Variants in TLK1 observed in about 807,000 individuals in gnomAD.
TLK1 encodes tousled like kinase 1.
A neutral mutation model predicts 105.3 loss-of-function variants in TLK1; 24 were observed. The ratio of observed to expected loss-of-function variants is 0.23; its 90% confidence interval spans 0.17 to 0.32. TLK1 has a LOEUF of 0.32. Ranked by LOEUF, TLK1 falls within the 10% of genes least tolerant of loss-of-function variation. TLK1 has a pLI of 1.00. For missense variants in TLK1, 558 were observed against 910.5 expected (o/e 0.61, Z 4.98); for synonymous variants, 321 against 310.4 (o/e 1.03, Z -0.36).
chr2:171,187,080 A>AAAAAAG (rs1558984577), intron 1 of TLK1, among the ~76,000 whole-genome samples: 1 of 127,996 alleles, frequency 7.8e-6, no homozygotes, highest in African/African-American at 3.5e-5. Context: ...AAAAAAAAAA[A>AAAAAAG]AAAGAAAAAG....
At chr2:171,135,503 TAAAAA>T (rs1043221695) in intron 1 of TLK1, among the ~76,000 whole-genome samples, 3 of 151,914 alleles carry the variant, frequency 2.0e-5, no homozygotes, top group Admixed American at 2.0e-4. Flanking sequence ...TCCTATCTCT[TAAAAA>T]AGAAAAAGAT....
intron 7 of TLK1, chr2:171,054,766 A>T (rs779229666): frequency 2.6e-4 from 47 of 180,718 alleles, no homozygotes; most frequent in Non-Finnish European, 4.0e-4. Flanking sequence ...GTCAAATGAG[A>T]GGCTTTAATG....
At chr2:170,999,393 T>C (rs983471316) in intron 18 of TLK1, among the ~76,000 whole-genome samples, 1 of 152,170 alleles carries the variant, frequency 6.6e-6, no homozygotes, top group Non-Finnish European at 1.5e-5. Context: ...ATTTTGTCAA[T>C]AAAAGTGTGT....
intron 1 of TLK1, among the ~76,000 whole-genome samples, chr2:171,228,880 T>C (rs1693944102): frequency 6.6e-6 from 1 of 152,244 alleles, no homozygotes. Context: ...GGATAACCTT[T>C]CTGTCAATGC....
At chr2:171,142,949 C>T (rs962315310) in intron 1 of TLK1, among the ~76,000 whole-genome samples, 1 of 152,182 alleles carries the variant, frequency 6.6e-6, no homozygotes, top group Non-Finnish European at 1.5e-5. Context: ...TGGCTCACAC[C>T]TGTAATCCCA....
chr2:171,187,912 G>A (rs1440534635), intron 1 of TLK1, among the ~76,000 whole-genome samples: 2 of 152,148 alleles, frequency 1.3e-5, no homozygotes, highest in Admixed American at 1.3e-4. Flanking sequence ...AAAGAACAGA[G>A]TGGTATATTC....
chr2:171,142,748 T>C (rs1290589083), intron 1 of TLK1, among the ~76,000 whole-genome samples: 1 of 152,212 alleles, frequency 6.6e-6, no homozygotes, highest in Non-Finnish European at 1.5e-5. Flanking sequence ...AGAAACAAAC[T>C]TGATAGAACA....
At chr2:171,122,596 C>T (rs1197348325) in intron 1 of TLK1, among the ~76,000 whole-genome samples, 1 of 151,874 alleles carries the variant, frequency 6.6e-6, no homozygotes, top group Non-Finnish European at 1.5e-5. Flanking sequence ...TCTTTGCTGG[C>T]CAACAGGCAA....
chr2:171,034,155 T>C (rs184832030), intron 11 of TLK1, among the ~76,000 whole-genome samples: 15 of 152,284 alleles, frequency 9.9e-5, no homozygotes, highest in African/African-American at 2.6e-4. Flanking sequence ...ATAGGGATAA[T>C]TGTCATGCTG....
intron 2 of TLK1, among the ~76,000 whole-genome samples, chr2:171,089,578 C>G (rs530325338): frequency 9.7e-4 from 148 of 152,322 alleles, no homozygotes; most frequent in African/African-American, 3.4e-3. Flanking sequence ...GATCAAGTTA[C>G]TATTTACAGA....
At chr2:171,116,752 A>C (rs1690449992) in intron 2 of TLK1, among the ~76,000 whole-genome samples, 1 of 152,166 alleles carries the variant, frequency 6.6e-6, no homozygotes, top group Non-Finnish European at 1.5e-5. Context: ...CAAGTAAAAC[A>C]AGAAGATATT....
intron 1 of TLK1, among the ~76,000 whole-genome samples, chr2:171,204,261 C>T (rs1693458061): frequency 2.0e-5 from 3 of 152,212 alleles, no homozygotes; most frequent in South Asian, 4.1e-4. Flanking sequence ...TCCAGCTCTG[C>T]CATTAAATTG....
At chr2:171,044,905 A>C (rs563348311) in intron 11 of TLK1, among the ~76,000 whole-genome samples, 1 of 152,344 alleles carries the variant, frequency 6.6e-6, no homozygotes, top group East Asian at 1.9e-4. Context: ...AATCTTAAGA[A>C]AAATTTCAGT....
chr2:171,154,276 C>G (rs1393484048), intron 1 of TLK1, among the ~76,000 whole-genome samples: 5 of 152,068 alleles, frequency 3.3e-5, no homozygotes, highest in Non-Finnish European at 5.9e-5. Flanking sequence ...TAAATAAAAG[C>G]TACAAACTTT....
At chr2:171,211,999 C>G (rs1389962805) in intron 1 of TLK1, among the ~76,000 whole-genome samples, 1 of 152,126 alleles carries the variant, frequency 6.6e-6, no homozygotes, top group African/African-American at 2.4e-5. Context: ...GCATGCACCA[C>G]TACGCCCAGC....
Position 171,034,374 on chromosome 2 carries a change from G to C in TLK1, c.1170-5969C>G, listed in dbSNP as rs138817185. Reference sequence around the variant, plus strand: ...CCATCAATGAATGAATGAACAAATTGTGCATAATCACACAATGAAATATTG... The same window carrying C: ...CCATCAATGAATGAATGAACAAATTCTGCATAATCACACAATGAAATATTG... On this transcript the variant is annotated intron_variant, in intron 11 of 20. Coordinates refer to ENST00000431350, the MANE Select transcript of TLK1 (RefSeq NM_012290.5). 3.3e-5 allele frequency among the ~76,000 whole-genome samples: 5 copies of C among 152,258 alleles called. No individual in the cohort carries two copies. The East Asian group carries it at 9.6e-4, about 29-fold the overall frequency.
In TLK1 at chr2:171,131,393, T is replaced by C. The variant is rs1691101005; in HGVS notation, c.140-13536A>G. Among the ~76,000 whole-genome samples, 4 of 152,290 alleles carry C rather than the reference T, an allele frequency of 2.6e-5. No homozygotes were observed. The South Asian group carries it at 8.3e-4, about 32-fold the overall frequency. ...GACAGTATTTAGTGATTCAAATAAA[T>C]TGTGGGTCACATCATTCTCGTACCT... On this transcript the variant is annotated intron_variant, in intron 1 of 20. Transcript: ENST00000431350.
chr2:171,058,558 TA>T (rs1687608502), intron 4 of TLK1, among the ~76,000 whole-genome samples: 1 of 152,300 alleles, frequency 6.6e-6, no homozygotes, highest in East Asian at 1.9e-4. Context: ...AAACTGACAG[TA>T]ACACACTTCA....
intron 12 of TLK1, among the ~76,000 whole-genome samples, chr2:171,019,678 C>T (rs1347071193): frequency 6.6e-6 from 1 of 152,082 alleles, no homozygotes; most frequent in Non-Finnish European, 1.5e-5. Context: ...TGCCTATAAC[C>T]TATGGGAGTT....
Sources: gnomAD v4.1 joint callset for allele counts (sites outside exome capture counted in the v4.1 genomes callset) on GRCh38, gnomAD v4.1.1 for gene constraint, MANE v1.5 for transcripts, NCBI Gene and HGNC (gene_info 2026-07-23, HGNC 2026-07-21) for gene names.